STX18: variants seen among roughly 807,000 people sequenced by gnomAD.
STX18 encodes the protein syntaxin 18.
Under a neutral mutation model 50.1 loss-of-function variants are expected in STX18, and 40 were observed. The observed-to-expected ratio is 0.80, with a 90% CI of 0.62 to 1.04. The LOEUF (loss-of-function observed/expected upper bound fraction) is 1.04. STX18 is among the 50% of genes least tolerant of loss of function. STX18 has a pLI of 0.00. For missense variants in STX18, 410 were observed against 415.8 expected, an observed-to-expected ratio of 0.99 and a Z score of 0.12; for synonymous variants, 158 against 151.8, an observed-to-expected ratio of 1.04 and a Z score of -0.30.
intron 1 of STX18, among the ~76,000 whole-genome samples, chr4:4,476,794 G>T (rs1728195808): frequency 6.6e-6 from 1 of 152,134 alleles, no homozygotes; most frequent in South Asian, 2.1e-4. Flanking sequence ...GATGCAACAG[G>T]ATGAGTCCTG....
chr4:4,494,810 G>A (rs1447266648), intron 1 of STX18, among the ~76,000 whole-genome samples: 1 of 152,180 alleles, frequency 6.6e-6, no homozygotes, highest in African/African-American at 2.4e-5. Flanking sequence ...AATTGCAAAA[G>A]GTCATTAGGA....
At chr4:4,511,713 A>AGTGTTTGT (rs1730012406) in intron 1 of STX18, among the ~76,000 whole-genome samples, 2 of 137,420 alleles carry the variant, frequency 1.5e-5, no homozygotes, top group Non-Finnish European at 3.1e-5. Flanking sequence ...ACTCATGATT[A>AGTGTTTGT]GTGTGTGTGT....
chr4:4,524,907 CAG>C (rs780350906), intron 1 of STX18, among the ~76,000 whole-genome samples: 1 of 151,992 alleles, frequency 6.6e-6, no homozygotes, highest in Non-Finnish European at 1.5e-5. Flanking sequence ...AGGAGACAAA[CAG>C]GGAGAGGGTG....
At chr4:4,475,230 G>A (rs1490438334) in intron 1 of STX18, among the ~76,000 whole-genome samples, 1 of 152,144 alleles carries the variant, frequency 6.6e-6, no homozygotes, top group African/African-American at 2.4e-5. Context: ...TCTGTAATGG[G>A]AAATTTCTAT....
At chr4:4,483,969 C>G (rs2108853452) in intron 1 of STX18, among the ~76,000 whole-genome samples, 1 of 152,262 alleles carries the variant, frequency 6.6e-6, no homozygotes, top group Admixed American at 6.5e-5. Flanking sequence ...TCAAGTGATT[C>G]TCCTGCCTCA....
chr4:4,439,605 ACCC>A (rs200708702), intron 5 of STX18, among the ~76,000 whole-genome samples: 25 of 142,008 alleles, frequency 1.8e-4, no homozygotes, highest in East Asian at 8.6e-4. Flanking sequence ...CCACACACAT[ACCC>A]CCCAACATAT....
chr4:4,473,573 G>A (rs1560182035), intron 1 of STX18, among the ~76,000 whole-genome samples: 1 of 152,094 alleles, frequency 6.6e-6, no homozygotes, highest in African/African-American at 2.4e-5. Flanking sequence ...CATTATAGGC[G>A]TGAGCCACCG....
chr4:4,470,427 A>G (rs1461207612), intron 2 of STX18, among the ~76,000 whole-genome samples: 1 of 152,224 alleles, frequency 6.6e-6, no homozygotes. Flanking sequence ...GGAGGAAATC[A>G]TTCATTCAAC....
At chr4:4,438,760 A>AG (rs1430603033) in intron 5 of STX18, among the ~76,000 whole-genome samples, 4 of 152,020 alleles carry the variant, frequency 2.6e-5, no homozygotes, top group Non-Finnish European at 1.5e-5. Flanking sequence ...ACCAGCATGC[A>AG]GGGGGAGGCT....
intron 5 of STX18, among the ~76,000 whole-genome samples, chr4:4,451,261 G>A (rs1436900401): frequency 6.6e-6 from 1 of 152,176 alleles, no homozygotes; most frequent in Non-Finnish European, 1.5e-5. Flanking sequence ...AAAATTTAAA[G>A]AGAACATAAA....
intron 9 of STX18, 56 bp downstream of exon 9, chr4:4,423,462 C>G: frequency 6.4e-7 from 1 of 1,562,638 alleles, no homozygotes; most frequent in Non-Finnish European, 8.8e-7. Flanking sequence ...CTCGTGCTCT[C>G]AAGTACATTC....
intron 5 of STX18, among the ~76,000 whole-genome samples, chr4:4,439,614 CAT>C (rs1461982616): frequency 1.4e-5 from 2 of 146,310 alleles, no homozygotes; most frequent in African/African-American, 5.1e-5. Context: ...TACCCCCCAA[CAT>C]ATATACTCAT....
At chr4:4,490,545 C>T (rs1228422663) in intron 1 of STX18, among the ~76,000 whole-genome samples, 1 of 152,148 alleles carries the variant, frequency 6.6e-6, no homozygotes, top group Non-Finnish European at 1.5e-5. Context: ...AGGTTCTCTA[C>T]AGATGCTTAC....
chr4:4,523,421 C>T (rs1237505629), intron 1 of STX18, among the ~76,000 whole-genome samples: 1 of 152,194 alleles, frequency 6.6e-6, no homozygotes, highest in Admixed American at 6.5e-5. Flanking sequence ...AAATTCCTGG[C>T]TTAGAAATCT....
chr4:4,427,171 G>A (rs1442249061), intron 7 of STX18, among the ~76,000 whole-genome samples: 1 of 152,062 alleles, frequency 6.6e-6, no homozygotes, highest in Admixed American at 6.5e-5. Flanking sequence ...ACCAGTTCTC[G>A]GCCCCGGCTA....
intron 5 of STX18, among the ~76,000 whole-genome samples, chr4:4,447,459 C>T (rs1412312312): frequency 1.3e-5 from 2 of 151,274 alleles, no homozygotes; most frequent in East Asian, 1.9e-4. Context: ...GGCGTGGTAG[C>T]GGGCGCCTGT....
chr4:4,475,713 C>A (rs1189631196), intron 1 of STX18, among the ~76,000 whole-genome samples: 1 of 152,206 alleles, frequency 6.6e-6, no homozygotes, highest in African/African-American at 2.4e-5. Context: ...CATATTATAG[C>A]GCATACAATT....
At chr4:4,447,563 C>A (rs565449279) in intron 5 of STX18, among the ~76,000 whole-genome samples, 253 of 125,834 alleles carry the variant, frequency 2.0e-3, no homozygotes, top group African/African-American at 7.3e-3. Context: ...TGCACTCCAG[C>A]CTGGGCGACA....
intron 1 of STX18, among the ~76,000 whole-genome samples, chr4:4,473,820 A>G (rs1560182145): frequency 6.6e-6 from 1 of 152,172 alleles, no homozygotes; most frequent in Non-Finnish European, 1.5e-5. Context: ...GCGTGGGTAG[A>G]ATACATTCGA....
Sources: gnomAD v4.1 joint callset for allele counts (sites outside exome capture counted in the v4.1 genomes callset) on GRCh38, gnomAD v4.1.1 for gene constraint, MANE v1.5 for transcripts, NCBI Gene and HGNC (gene_info 2026-07-23, HGNC 2026-07-21) for gene names.